SPOCK3: variants seen among roughly 807,000 people sequenced by gnomAD.
The protein encoded by SPOCK3 is SPARC (osteonectin), cwcv and kazal like domains proteoglycan 3, also known as testican-3.
In SPOCK3, 30 loss-of-function variants were observed where a neutral mutation model predicts 56.6. The ratio of observed to expected loss-of-function variants is 0.53; its 90% CI spans 0.40 to 0.72. The LOEUF is 0.72. Ranked by LOEUF, SPOCK3 falls within the 30% of genes least tolerant of loss-of-function variation. The pLI, the probability that SPOCK3 is intolerant of heterozygous loss-of-function variation, is 0.00. For missense variants in SPOCK3, 527 were observed against 530.0 expected, an observed-to-expected ratio of 0.99 and a Z score of 0.06; for synonymous variants, 196 against 183.3, an observed-to-expected ratio of 1.07 and a Z score of -0.56.
chr4:166,860,490 A>T (rs955173815), intron 6 of SPOCK3, among the ~76,000 whole-genome samples: 2 of 152,008 alleles, frequency 1.3e-5, no homozygotes, highest in African/African-American at 4.8e-5. Context: ...AGTTAATGAG[A>T]CTATTATAAA....
rs1261101302 is a variant in SPOCK3 at position 167,022,372 on chromosome 4, C to A, written c.236-21909G>T. On this transcript the variant is annotated intron_variant, in intron 3 of 10. Transcript: ENST00000357545. ...GCCTGACCGGAGTAAACCAAGAAAC[C>A]AGGCAGCCCAATTTGCCCATTATAA... is the stretch of plus-strand genomic sequence containing the variant. Among the ~76,000 whole-genome samples, 4 of 152,112 alleles carry A rather than the reference C, an allele frequency of 2.6e-5. No individual in the cohort carries two copies. The South Asian group carries it at 8.3e-4, about 32-fold the overall frequency.
At chr4:167,154,509 G>A (rs550972228) in intron 2 of SPOCK3, among the ~76,000 whole-genome samples, 103 of 152,220 alleles carry the variant, frequency 6.8e-4, no homozygotes, top group South Asian at 1.5e-3. Flanking sequence ...GATTATTTTA[G>A]TTCTCAGTTC....
chr4:167,058,423 C>T (rs1755160601), intron 3 of SPOCK3, among the ~76,000 whole-genome samples: 1 of 152,024 alleles, frequency 6.6e-6, no homozygotes, highest in Non-Finnish European at 1.5e-5. Flanking sequence ...GAATAAAATA[C>T]CTAGGAATCC....
rs568376677 is a variant in SPOCK3, at chr4:166,967,288, C to G, written c.350+33061G>C. 2.0e-5 allele frequency among the ~76,000 whole-genome samples: 3 copies of G among 152,266 alleles called. No individual in the cohort carries two copies. In the South Asian group the frequency reaches 6.2e-4, roughly 32 times the overall value. ...AAGATTGAGCTGTACAGCTGGTTAT[C>G]CAGTGCCTGAATATGTTTGTTTCAT... On this transcript the variant is annotated intron_variant, in intron 4 of 10. Coordinates refer to ENST00000357545, the MANE Select transcript of SPOCK3 (RefSeq NM_001040159.2).
chr4:167,057,586 A>T (rs1234295318), intron 3 of SPOCK3, among the ~76,000 whole-genome samples: 7 of 152,128 alleles, frequency 4.6e-5, no homozygotes, highest in Non-Finnish European at 1.0e-4. Context: ...AAAAGAATGC[A>T]GGAAGATCTA....
At chr4:167,044,918 CAATTTTATCTGT>C (rs1753579960) in intron 3 of SPOCK3, among the ~76,000 whole-genome samples, 1 of 151,996 alleles carries the variant, frequency 6.6e-6, no homozygotes, top group Admixed American at 6.6e-5. Flanking sequence ...CTATAGATGT[CAATTTTATCTGT>C]TTCATTGATG....
intron 2 of SPOCK3, among the ~76,000 whole-genome samples, chr4:167,200,387 G>T (rs916821998): frequency 6.6e-6 from 1 of 151,878 alleles, no homozygotes; most frequent in Non-Finnish European, 1.5e-5. Context: ...GTTTAAGGAT[G>T]GCACATTAGA....
At chr4:166,735,133 T>A in intron 10 of SPOCK3, 43 bp from the exon 11 acceptor site, 1 of 1,155,824 alleles carries the variant, frequency 8.7e-7, no homozygotes. Flanking sequence ...TTTGACTGAA[T>A]ACTGTCAATT....
At chr4:167,111,856 C>G (rs539392057) in intron 2 of SPOCK3, among the ~76,000 whole-genome samples, 29 of 152,012 alleles carry the variant, frequency 1.9e-4, no homozygotes, top group African/African-American at 5.1e-4. Flanking sequence ...TTCTCAGGCT[C>G]AGGTGATTCT....
intron 4 of SPOCK3, among the ~76,000 whole-genome samples, chr4:166,977,664 G>A (rs1457140524): frequency 1.3e-5 from 2 of 152,044 alleles, no homozygotes; most frequent in East Asian, 3.9e-4. Context: ...GAGGATTTGA[G>A]TATCAGATAA....
Position 166,855,130 on chromosome 4 carries a change from G to A in SPOCK3, c.589+34000C>T, listed in dbSNP as rs189745442. Reference sequence around the variant, plus strand: ...CTTATACACTGTCAAAGAGAACAGTGAAATTTGCTGTCAGTGAATTTTCAG... The same window carrying A: ...CTTATACACTGTCAAAGAGAACAGTAAAATTTGCTGTCAGTGAATTTTCAG... On this transcript the variant is annotated intron_variant, in intron 6 of 10. Coordinates refer to ENST00000357545, the MANE Select transcript of SPOCK3 (RefSeq NM_001040159.2). Among the ~76,000 whole-genome samples the A allele has an allele frequency of 3.3e-3, 496 of 152,242 alleles. 1 individual carries two copies. Among genetic ancestry groups the A allele is most frequent in the African/African-American group, 0.011 (474 of 41,548 alleles).
intron 2 of SPOCK3, among the ~76,000 whole-genome samples, chr4:167,090,050 A>T (rs1056601378): frequency 1.3e-5 from 2 of 152,196 alleles, no homozygotes; most frequent in Non-Finnish European, 2.9e-5. Flanking sequence ...GGTAGTTTTC[A>T]GTATGGGGTA....
intron 2 of SPOCK3, among the ~76,000 whole-genome samples, chr4:167,132,158 A>T (rs1333914902): frequency 6.6e-6 from 1 of 152,242 alleles, no homozygotes; most frequent in Non-Finnish European, 1.5e-5. Context: ...AAATGATGTC[A>T]TATCCACTCT....
At chr4:167,141,250 T>C (rs949275095) in intron 2 of SPOCK3, among the ~76,000 whole-genome samples, 7 of 151,884 alleles carry the variant, frequency 4.6e-5, no homozygotes, top group Admixed American at 2.0e-4. Flanking sequence ...TGTTGTACAG[T>C]CATAAAAAAA....
Position 167,024,025 on chromosome 4 carries a change from T to C in SPOCK3, c.236-23562A>G, listed in dbSNP as rs1184393412. Among the ~76,000 whole-genome samples the C allele has an allele frequency of 2.6e-5, 4 of 152,066 alleles. No homozygotes were observed. The South Asian group carries it at 6.2e-4, about 24-fold the overall frequency. On this transcript the variant is annotated intron_variant, in intron 3 of 10. Coordinates refer to ENST00000357545, the MANE Select transcript of SPOCK3 (RefSeq NM_001040159.2). ...ACTCCATGTCTGCATGCCTCACCTATGCAGATGCTATTAACGGTGAATCTC... is the reference window on the plus strand; with the variant it reads ...ACTCCATGTCTGCATGCCTCACCTACGCAGATGCTATTAACGGTGAATCTC...
chr4:166,956,776 C>T (rs1743536297), intron 4 of SPOCK3, among the ~76,000 whole-genome samples: 2 of 152,088 alleles, frequency 1.3e-5, no homozygotes, highest in Non-Finnish European at 2.9e-5. Flanking sequence ...CCAGAATCTT[C>T]TCAGTCTCCC....
chr4:166,762,015 C>G (rs554404446), intron 7 of SPOCK3, among the ~76,000 whole-genome samples: 1 of 151,812 alleles, frequency 6.6e-6, no homozygotes, highest in East Asian at 1.9e-4. Flanking sequence ...CTGTGAATCA[C>G]CATATTAGAA....
chr4:167,045,761 C>A (rs898531774), intron 3 of SPOCK3, among the ~76,000 whole-genome samples: 5 of 152,136 alleles, frequency 3.3e-5, no homozygotes, highest in African/African-American at 1.2e-4. Flanking sequence ...TATACATAAG[C>A]ATAAATAAGG....
intron 5 of SPOCK3, among the ~76,000 whole-genome samples, chr4:166,895,542 A>T (rs1735287264): frequency 6.6e-6 from 1 of 152,162 alleles, no homozygotes; most frequent in Admixed American, 6.5e-5. Context: ...GATGATTTCA[A>T]TGGTTACCCA....
Sources: gnomAD v4.1 joint callset for allele counts (sites outside exome capture counted in the v4.1 genomes callset) on GRCh38, gnomAD v4.1.1 for gene constraint, MANE v1.5 for transcripts, NCBI Gene and HGNC (gene_info 2026-07-23, HGNC 2026-07-21) for gene names.